The following C8A variants were observed in gnomAD, a reference collection of about 807,000 sequenced individuals.
The protein encoded by C8A is complement C8 alpha chain, also known as complement component C8 alpha chain.
In C8A, 67 loss-of-function variants were observed where a neutral mutation model predicts 65.3. The ratio of observed to expected loss-of-function variants is 1.03; its 90% confidence interval spans 0.84 to 1.26. C8A has a LOEUF of 1.26. C8A is among the 50% of genes most tolerant of loss of function. The pLI is 0.00. For missense variants in C8A, 781 were observed against 723.9 expected, an observed-to-expected ratio of 1.08 and a Z score of -0.90; for synonymous variants, 290 against 259.4, an observed-to-expected ratio of 1.12 and a Z score of -1.13.
chr1:56,862,248 A>G (rs1296541306), intron 1 of C8A, among the ~76,000 whole-genome samples: 1 of 152,192 alleles, frequency 6.6e-6, no homozygotes. Context: ...GCTATAAGAA[A>G]ATTGAAGTTC....
intron 7 of C8A, among the ~76,000 whole-genome samples, chr1:56,887,048 C>T (rs1570335666): frequency 1.3e-5 from 2 of 152,122 alleles, no homozygotes; most frequent in African/African-American, 4.8e-5. Flanking sequence ...GAACCACTGA[C>T]CTGTTCAATG....
intron 2 of C8A, among the ~76,000 whole-genome samples, chr1:56,867,939 A>G (rs940714933): frequency 6.6e-6 from 1 of 152,276 alleles, no homozygotes; most frequent in South Asian, 2.1e-4. Flanking sequence ...TCATAGGCAG[A>G]AAAGTCACTA....
rs779907800 is a variant in C8A at position 56,917,759 on chromosome 1, C to T, written c.*43C>T. 1.4e-4 allele frequency: 231 copies of T among 1,609,234 alleles called. No homozygotes were observed. Among genetic ancestry groups the T allele is most frequent in the Middle Eastern group, 1.9e-4 (1 of 5,294 alleles). ...CTGGACCAGATGCTGTGGATGTCGA[C>T]CCCTGCACTGACTATTGGATAAAGA... On this transcript the variant is annotated 3_prime_UTR_variant, in exon 11 of 11. Transcript: ENST00000361249.
At chr1:56,881,693 G>A (rs950593063) in intron 5 of C8A, 59 bp downstream of exon 5, 2 of 1,493,616 alleles carry the variant, frequency 1.3e-6, no homozygotes, top group Admixed American at 1.7e-5. Flanking sequence ...AGAGGCAGAG[G>A]CCTATTTGTG....
At chr1:56,864,914 C>T (rs1644070156) in intron 1 of C8A, among the ~76,000 whole-genome samples, 1 of 152,130 alleles carries the variant, frequency 6.6e-6, no homozygotes, top group Non-Finnish European at 1.5e-5. Context: ...TTTACAGTCG[C>T]ACTGATGGTA....
At chr1:56,876,881 C>G (rs974308052) in intron 4 of C8A, among the ~76,000 whole-genome samples, 7 of 152,296 alleles carry the variant, frequency 4.6e-5, no homozygotes, top group Non-Finnish European at 7.4e-5. Context: ...GGTAACTCCT[C>G]ATCTAATGTT....
chr1:56,891,075 G>A (rs1207072565), intron 7 of C8A, among the ~76,000 whole-genome samples: 4 of 152,080 alleles, frequency 2.6e-5, no homozygotes, highest in Non-Finnish European at 5.9e-5. Context: ...AAATGAACAA[G>A]TTGTAAAAAC....
intron 2 of C8A, among the ~76,000 whole-genome samples, chr1:56,869,275 T>C (rs1644120418): frequency 2.0e-5 from 3 of 152,158 alleles, no homozygotes; most frequent in Non-Finnish European, 4.4e-5. Context: ...TGATACTTGG[T>C]TTTTAATTCC....
chr1:56,857,907 G>A (rs968434884), intron 1 of C8A, among the ~76,000 whole-genome samples: 2 of 151,960 alleles, frequency 1.3e-5, no homozygotes, highest in East Asian at 1.9e-4. Flanking sequence ...AAGTCCCACA[G>A]GTCAGTGATG....
chr1:56,877,486 G>C (rs1042966909), intron 4 of C8A, among the ~76,000 whole-genome samples: 2 of 152,126 alleles, frequency 1.3e-5, no homozygotes, highest in Non-Finnish European at 2.9e-5. Context: ...TGTCATCTCT[G>C]CTTCTCCAGT....
Position 56,885,912 on chromosome 1 carries a change from G to A in C8A, c.856-15G>A, listed in dbSNP as rs372529913. 1.9e-5 allele frequency: 30 copies of A among 1,613,620 alleles called. No individual in the cohort carries two copies. The highest frequency in any genetic ancestry group is 2.4e-5 in the Non-Finnish European group (28 of 1,179,846). On this transcript the variant is annotated splice_polypyrimidine_tract_variant and intron_variant, in intron 6 of 10. Transcript: ENST00000361249. ...TCTTTGTTCTTTTGCTTTATTCAAT[G>A]GCGGTTGCTGGCAGAAATTCATTTT...
At chr1:56,885,781 A>C in intron 6 of C8A, 146 bp from the exon 7 acceptor site, 1 of 1,030,848 alleles carries the variant, frequency 9.7e-7, no homozygotes, top group Non-Finnish European at 1.5e-6. Context: ...CGATCTCCTG[A>C]CCTTGTGATC....
At chr1:56,867,801 G>C in intron 2 of C8A, 99 bp downstream of exon 2, 1 of 838,592 alleles carries the variant, frequency 1.2e-6, no homozygotes, top group Non-Finnish European at 2.0e-6. Flanking sequence ...AGGGGCCTGG[G>C]GAGAAATTGG....
At chr1:56,914,812 G>T (rs1334779319) in intron 10 of C8A, among the ~76,000 whole-genome samples, 2 of 152,032 alleles carry the variant, frequency 1.3e-5, no homozygotes, top group Non-Finnish European at 2.9e-5. Context: ...TGAGTAGCTG[G>T]GACTACAGGC....
chr1:56,906,819 A>G, intron 8 of C8A, 27 bp downstream of exon 8: 1 of 1,613,828 alleles, frequency 6.2e-7, no homozygotes, highest in Non-Finnish European at 8.5e-7. Flanking sequence ...AGATCTCCCA[A>G]AAAGAGAAGC....
chr1:56,917,408 A>T (rs765238121), intron 10 of C8A, among the ~76,000 whole-genome samples, 157 bp from the exon 11 acceptor site: 2 of 152,222 alleles, frequency 1.3e-5, no homozygotes, highest in South Asian at 2.1e-4. Context: ...TATGTACCTT[A>T]TCTGTACGTA....
intron 7 of C8A, among the ~76,000 whole-genome samples, chr1:56,905,463 A>G (rs1461540054): frequency 1.3e-5 from 2 of 152,162 alleles, no homozygotes; most frequent in African/African-American, 2.4e-5. Context: ...TTTTTCATTC[A>G]TCAATCATTT....
At chr1:56,896,957 T>C (rs1325774555) in intron 7 of C8A, among the ~76,000 whole-genome samples, 1 of 152,100 alleles carries the variant, frequency 6.6e-6, no homozygotes, top group Non-Finnish European at 1.5e-5. Flanking sequence ...ATTTCACAGA[T>C]GAGGACCACC....
At chr1:56,879,173 T>G (rs1190544043) in intron 4 of C8A, among the ~76,000 whole-genome samples, 1 of 152,144 alleles carries the variant, frequency 6.6e-6, no homozygotes, top group African/African-American at 2.4e-5. Context: ...ATCTGGCTCT[T>G]TATTAAAAAA....
Sources: gnomAD v4.1 joint callset for allele counts (sites outside exome capture counted in the v4.1 genomes callset) on GRCh38, gnomAD v4.1.1 for gene constraint, MANE v1.5 for transcripts, NCBI Gene and HGNC (gene_info 2026-07-23, HGNC 2026-07-21) for gene names.